ANTXR2: variants seen among roughly 807,000 people sequenced by gnomAD.
ANTXR2 encodes anthrax toxin receptor 2.
A neutral mutation model predicts 73.7 loss-of-function variants in ANTXR2; 44 were observed. The ratio of observed to expected loss-of-function variants is 0.60; its 90% confidence interval spans 0.47 to 0.77. The LOEUF (loss-of-function observed/expected upper bound fraction) is 0.77, where lower values mean the gene tolerates loss of function less well. Ranked by LOEUF, ANTXR2 falls within the 30% of genes least tolerant of loss-of-function variation. ANTXR2 has a pLI of 0.00. For synonymous variants in ANTXR2, 217 were observed against 205.9 expected, an observed-to-expected ratio of 1.05 and a Z score of -0.46; for missense variants, 604 against 592.5, an observed-to-expected ratio of 1.02 and a Z score of -0.20.
rs747928203 is a variant in ANTXR2, at chr4:79,907,477, G to T, written c.1429-10C>A. ...AGTTTATGCACCGGCCCTGAAGAAAGAAATAAATCCATATTGAAATATTGA... is the reference window on the plus strand; with the variant it reads ...AGTTTATGCACCGGCCCTGAAGAAATAAATAAATCCATATTGAAATATTGA... On this transcript the variant is annotated splice_polypyrimidine_tract_variant and intron_variant, in intron 16 of 16. Transcript: ENST00000403729. 9 of 1,611,404 alleles carry T rather than the reference G, an allele frequency of 5.6e-6. No individual in the cohort carries two copies. Among genetic ancestry groups the T allele is most frequent in the Non-Finnish European group, 7.6e-6 (9 of 1,178,306 alleles).
intron 10 of ANTXR2, among the ~76,000 whole-genome samples, chr4:80,026,640 A>G (rs1009515533): frequency 5.9e-5 from 9 of 152,074 alleles, no homozygotes; most frequent in African/African-American, 2.2e-4. Context: ...ATAATTCTAA[A>G]TTTTAGAAAG....
At chr4:79,927,059 GTGTATA>G (rs1166902834) in intron 16 of ANTXR2, among the ~76,000 whole-genome samples, 1 of 133,188 alleles carries the variant, frequency 7.5e-6, no homozygotes. Context: ...GCGTGTGTGT[GTGTATA>G]TATATATATA....
At chr4:80,058,850 A>T (rs1734119447) in intron 3 of ANTXR2, among the ~76,000 whole-genome samples, 2 of 152,128 alleles carry the variant, frequency 1.3e-5, no homozygotes, top group African/African-American at 4.8e-5. Flanking sequence ...GAACAGCAAT[A>T]TTGAAACTAC....
At position 79,901,844 on chromosome 4, in the gene ANTXR2, G is replaced by C. The variant is rs1377093523; in HGVS notation, c.*5585C>G. On this transcript the variant is annotated 3_prime_UTR_variant, in exon 17 of 17. Coordinates refer to ENST00000403729, the MANE Select transcript of ANTXR2 (RefSeq NM_058172.6). The stretch of plus-strand genomic sequence containing the variant: ...CACACACAGTTCCAAAAGGGTTTGT[G>C]CTCCTTGAGAATCTAATGCTGCTGC... The C allele has an allele frequency of 1.3e-5, 2 of 152,048 alleles. No homozygotes were observed. The highest frequency in any genetic ancestry group is 6.6e-5 in the Admixed American group (1 of 15,220). The allele number at this position is 152,048 out of a possible 1,614,324, so 9.4% of individuals were successfully genotyped here.
rs571776472 is a variant in ANTXR2, at chr4:80,069,613, G to T, written c.225-106C>A. The T allele has an allele frequency of 5.6e-5, 45 of 799,536 alleles. No individual in the cohort carries two copies. The African/African-American group carries it at 7.2e-4, about 13-fold the overall frequency. 49.5% of individuals were successfully genotyped at this position (799,536 alleles called of 1,614,324 possible). A position where few individuals can be genotyped will look rare whatever the true frequency, so the allele number is the denominator to read the frequency against. On this transcript the variant is annotated intron_variant, in intron 2 of 16. Transcript: ENST00000403729. ...CATTTAAAATTGGTCTCACTGAATG[G>T]TCCAGGCTTCTTTTAAATGACATTC...
chr4:79,999,641 TGA>T (rs2110042717), intron 12 of ANTXR2, among the ~76,000 whole-genome samples: 1 of 152,208 alleles, frequency 6.6e-6, no homozygotes, highest in South Asian at 2.1e-4. Context: ...TTTTAAAATA[TGA>T]GATATGGAAA....
intron 16 of ANTXR2, among the ~76,000 whole-genome samples, chr4:79,945,960 T>C (rs1234898549): frequency 6.6e-6 from 1 of 152,232 alleles, no homozygotes; most frequent in African/African-American, 2.4e-5. Flanking sequence ...AAGATGAAGG[T>C]GACAGAGAGA....
intron 3 of ANTXR2, among the ~76,000 whole-genome samples, chr4:80,068,576 C>G (rs1252229774): frequency 6.6e-6 from 1 of 152,042 alleles, no homozygotes; most frequent in Non-Finnish European, 1.5e-5. Context: ...CAAGATCAAC[C>G]TGGCCAATAC....
At chr4:79,928,656 T>A (rs1268945564) in intron 16 of ANTXR2, among the ~76,000 whole-genome samples, 1 of 152,094 alleles carries the variant, frequency 6.6e-6, no homozygotes, top group Non-Finnish European at 1.5e-5. Context: ...ATGCCAGTAA[T>A]AAGAATAGTA....
At chr4:79,992,937 T>C (rs1271551230) in intron 12 of ANTXR2, among the ~76,000 whole-genome samples, 1 of 152,054 alleles carries the variant, frequency 6.6e-6, no homozygotes, top group Non-Finnish European at 1.5e-5. Context: ...CTTTGAAATA[T>C]CCCCCACCTT....
chr4:80,046,857 G>A (rs1733536720), intron 7 of ANTXR2, among the ~76,000 whole-genome samples: 1 of 151,674 alleles, frequency 6.6e-6, no homozygotes, highest in Non-Finnish European at 1.5e-5. Flanking sequence ...TGAATCAACT[G>A]AGAATTATTA....
intron 12 of ANTXR2, among the ~76,000 whole-genome samples, chr4:80,000,484 C>T (rs907263561): frequency 6.6e-6 from 1 of 152,012 alleles, no homozygotes; most frequent in East Asian, 1.9e-4. Flanking sequence ...TAAGTATTCA[C>T]CATGCAACAT....
At chr4:80,040,122 G>C (rs1733163225) in intron 7 of ANTXR2, among the ~76,000 whole-genome samples, 1 of 151,764 alleles carries the variant, frequency 6.6e-6, no homozygotes, top group Non-Finnish European at 1.5e-5. Context: ...CTAGATAGGG[G>C]AGGAAGGAAG....
At chr4:79,913,859 C>A (rs554541747) in intron 16 of ANTXR2, among the ~76,000 whole-genome samples, 1 of 152,108 alleles carries the variant, frequency 6.6e-6, no homozygotes, top group East Asian at 1.9e-4. Context: ...ACCTAATGCT[C>A]CACTCTTATC....
At chr4:79,930,740 T>C (rs1728024873) in intron 16 of ANTXR2, among the ~76,000 whole-genome samples, 1 of 152,214 alleles carries the variant, frequency 6.6e-6, no homozygotes, top group South Asian at 2.1e-4. Flanking sequence ...TCTATTTCAC[T>C]GTTTCTAATT....
chr4:79,973,088 A>AGAAG (rs1470740543), intron 16 of ANTXR2, among the ~76,000 whole-genome samples: 2 of 152,260 alleles, frequency 1.3e-5, no homozygotes, highest in Middle Eastern at 3.4e-3. Context: ...AGATAAAAGA[A>AGAAG]GAAGGAAGGA....
At chr4:80,049,196 C>T (rs1733662020) in intron 7 of ANTXR2, among the ~76,000 whole-genome samples, 1 of 151,716 alleles carries the variant, frequency 6.6e-6, no homozygotes, top group African/African-American at 2.4e-5. Context: ...AGGAAGGGCA[C>T]AGAACATTTT....
intron 7 of ANTXR2, among the ~76,000 whole-genome samples, chr4:80,052,948 T>C (rs1035936008): frequency 6.6e-6 from 1 of 151,594 alleles, no homozygotes; most frequent in South Asian, 2.1e-4. Flanking sequence ...ATCCATCATC[T>C]GGGTAATTCT....
chr4:79,958,026 A>G (rs1728990436), intron 16 of ANTXR2, among the ~76,000 whole-genome samples: 1 of 152,034 alleles, frequency 6.6e-6, no homozygotes, highest in Admixed American at 6.6e-5. Context: ...CCTGCAAATT[A>G]TTAATTAAAA....
Sources: gnomAD v4.1 joint callset for allele counts (sites outside exome capture counted in the v4.1 genomes callset) on GRCh38, gnomAD v4.1.1 for gene constraint, MANE v1.5 for transcripts, NCBI Gene and HGNC (gene_info 2026-07-23, HGNC 2026-07-21) for gene names.